The following FBXL7 variants were observed in gnomAD, a reference collection of about 807,000 sequenced individuals.
FBXL7 encodes the protein F-box/LRR-repeat protein 7.
FBXL7 carries 12 observed loss-of-function variants against 38.3 expected under a neutral mutation model. The ratio of observed to expected loss-of-function variants is 0.31; its 90% CI spans 0.20 to 0.51. The LOEUF is 0.51. Among genes scored for constraint, FBXL7 ranks in the 20% least tolerant of loss-of-function variants. The probability of loss-of-function intolerance (pLI) is 0.98; values close to 1 mark genes in which losing one functional copy is unlikely to be tolerated. For synonymous variants in FBXL7, 297 were observed against 300.9 expected (o/e 0.99, Z 0.13); for missense variants, 567 against 676.4 (o/e 0.84, Z 1.79).
chr5:15,580,117 A>C (rs1311759181), intron 1 of FBXL7, among the ~76,000 whole-genome samples: 1 of 152,052 alleles, frequency 6.6e-6, no homozygotes. Flanking sequence ...AGTTCATGCG[A>C]GTGTAGCCCC....
At position 15,939,072 on chromosome 5, in the gene FBXL7, G is replaced by A. The variant is rs1742276366; in HGVS notation, c.*1886G>A. On this transcript the variant is annotated 3_prime_UTR_variant, in exon 4 of 4. Coordinates refer to ENST00000504595, the MANE Select transcript of FBXL7 (RefSeq NM_012304.5). ...TCCTGTGCATACTGTCGTCTTCTGTGGGGGATGGAGAGGTTAGTGTGATGA... is the reference window on the plus strand; with the variant it reads ...TCCTGTGCATACTGTCGTCTTCTGTAGGGGATGGAGAGGTTAGTGTGATGA... The A allele has an allele frequency of 1.0e-5, 4 of 398,894 alleles. No individual in the cohort carries two copies. The highest frequency in any genetic ancestry group is 4.4e-5 in the Admixed American group (1 of 22,710). 24.7% of individuals were successfully genotyped at this position (398,894 alleles called of 1,614,324 possible).
In FBXL7 at chr5:15,594,258, C is replaced by G. The variant is rs1239325797; in HGVS notation, c.38-21725C>G. The stretch of plus-strand genomic sequence containing the variant: ...AGGTTTCACATCTTGGTTTTCCAGG[C>G]TTTTCATTGAACGTGGAGGGCGGAC... On this transcript the variant is annotated intron_variant, in intron 1 of 3. Transcript: ENST00000504595. Among the ~76,000 whole-genome samples the G allele has an allele frequency of 3.3e-5, 5 of 152,212 alleles. No homozygotes were observed. In the East Asian group the frequency reaches 5.8e-4, roughly 18 times the overall value.
At chr5:15,733,014 T>C (rs1264220723) in intron 2 of FBXL7, among the ~76,000 whole-genome samples, 1 of 152,188 alleles carries the variant, frequency 6.6e-6, no homozygotes, top group Non-Finnish European at 1.5e-5. Context: ...GGTCACACTC[T>C]AACAAGCATG....
rs770110588 is a variant in FBXL7, at chr5:15,928,546, C to A, written c.739+45C>A. On this transcript the variant is annotated intron_variant, in intron 3 of 3. Coordinates refer to ENST00000504595, the MANE Select transcript of FBXL7 (RefSeq NM_012304.5). The surrounding 1 kb of genome is among the most constrained non-coding windows in gnomAD (Gnocchi z 4.0). ...CCAGCTATGGGCCCTCCTGGTGCAC[C>A]ATCCTAAAACAGTGGGGACAGTGCC... 2.6e-6 allele frequency: 4 copies of A among 1,561,846 alleles called. No individual in the cohort carries two copies. In the Admixed American group the frequency reaches 7.0e-5, roughly 27 times the overall value.
At chr5:15,709,458 C>T (rs964950502) in intron 2 of FBXL7, among the ~76,000 whole-genome samples, 5 of 150,446 alleles carry the variant, frequency 3.3e-5, no homozygotes, top group South Asian at 2.1e-4. Flanking sequence ...TGCTCAAACC[C>T]GGGAGGTAGA....
chr5:15,903,679 A>C (rs1741285840), intron 2 of FBXL7, among the ~76,000 whole-genome samples: 1 of 152,196 alleles, frequency 6.6e-6, no homozygotes, highest in African/African-American at 2.4e-5. Flanking sequence ...TGATCTGATC[A>C]TTATACATTA....
intron 1 of FBXL7, among the ~76,000 whole-genome samples, chr5:15,515,239 T>C (rs1380287888): frequency 6.6e-6 from 1 of 152,182 alleles, no homozygotes; most frequent in Non-Finnish European, 1.5e-5. Context: ...TGGTTTTCTG[T>C]TTGGGGACCT....
intron 2 of FBXL7, among the ~76,000 whole-genome samples, chr5:15,689,574 C>G (rs1411425530): frequency 6.6e-6 from 1 of 152,094 alleles, no homozygotes; most frequent in Non-Finnish European, 1.5e-5. Flanking sequence ...AGTTTCTTAT[C>G]TATAAAATAG....
chr5:15,760,367 G>C (rs957952745), intron 2 of FBXL7, among the ~76,000 whole-genome samples: 4 of 151,318 alleles, frequency 2.6e-5, no homozygotes, highest in Non-Finnish European at 4.4e-5. Flanking sequence ...ATTCACTTCA[G>C]GCACTCATCT....
chr5:15,934,809 A>G (rs1742134763), intron 3 of FBXL7, among the ~76,000 whole-genome samples: 1 of 152,200 alleles, frequency 6.6e-6, no homozygotes, highest in African/African-American at 2.4e-5. Context: ...CATTCAACAG[A>G]TACTTAGCAC....
At chr5:15,851,476 T>G (rs1187642587) in intron 2 of FBXL7, among the ~76,000 whole-genome samples, 1 of 152,100 alleles carries the variant, frequency 6.6e-6, no homozygotes, top group Non-Finnish European at 1.5e-5. Flanking sequence ...GAAATGTACT[T>G]AAATTAATGA....
intron 2 of FBXL7, among the ~76,000 whole-genome samples, chr5:15,651,708 A>G (rs903873854): frequency 6.6e-6 from 1 of 152,224 alleles, no homozygotes; most frequent in Non-Finnish European, 1.5e-5. Flanking sequence ...CAGAGCCCTA[A>G]GATTTTCAGA....
intron 1 of FBXL7, among the ~76,000 whole-genome samples, chr5:15,541,424 AG>A (rs1737742374): frequency 4.5e-5 from 5 of 111,744 alleles, no homozygotes; most frequent in Non-Finnish European, 7.0e-5. Flanking sequence ...ATATACATAT[AG>A]TATATATGTG....
At chr5:15,740,753 A>T (rs1735875036) in intron 2 of FBXL7, among the ~76,000 whole-genome samples, 1 of 152,240 alleles carries the variant, frequency 6.6e-6, no homozygotes, top group Non-Finnish European at 1.5e-5. Context: ...AAACCAATAG[A>T]GAAGAAATCA....
At chr5:15,865,880 G>C (rs1346478854) in intron 2 of FBXL7, among the ~76,000 whole-genome samples, 1 of 152,126 alleles carries the variant, frequency 6.6e-6, no homozygotes, top group African/African-American at 2.4e-5. Flanking sequence ...GTGCTTCAAA[G>C]GTCAGAGAAA....
At position 15,577,811 on chromosome 5, in the gene FBXL7, A is replaced by G. The variant is rs528691627; in HGVS notation, c.38-38172A>G. Among the ~76,000 whole-genome samples the G allele has an allele frequency of 3.3e-5, 5 of 152,266 alleles. No homozygotes were observed. In the South Asian group the frequency reaches 1.0e-3, roughly 32 times the overall value. ...CAAGGAACTCTGCCTTCCTGCTTTA[A>G]TCTGTGGTCATGTTTCATCCAAACC... On this transcript the variant is annotated intron_variant, in intron 1 of 3. Transcript: ENST00000504595.
chr5:15,872,644 A>C (rs2126827694), intron 2 of FBXL7, among the ~76,000 whole-genome samples: 1 of 152,324 alleles, frequency 6.6e-6, no homozygotes, highest in South Asian at 2.1e-4. Flanking sequence ...CTAGTCTCTG[A>C]TAAAACAGAC....
chr5:15,616,606 G>A (rs1369534940), intron 2 of FBXL7, among the ~76,000 whole-genome samples: 15 of 152,112 alleles, frequency 9.9e-5, no homozygotes, highest in African/African-American at 4.8e-5. Context: ...AAGATTGGTC[G>A]CAGTGATTTT....
intron 2 of FBXL7, among the ~76,000 whole-genome samples, chr5:15,623,906 T>C (rs1393645706): frequency 6.6e-6 from 1 of 152,228 alleles, no homozygotes; most frequent in African/African-American, 2.4e-5. Flanking sequence ...CTGTATTTCA[T>C]GTAAAATTAG....
Sources: allele counts gnomAD v4.1 joint callset (sites outside exome capture counted in the v4.1 genomes callset), GRCh38; gene constraint gnomAD v4.1.1; non-coding constraint Gnocchi (gnomAD v3.1); transcripts MANE v1.5; gene names NCBI Gene and HGNC (gene_info 2026-07-23, HGNC 2026-07-21).